The following TCP11 variants were observed in gnomAD, a reference collection of about 807,000 sequenced individuals.
TCP11 encodes T-complex protein 11 homolog.
Under a neutral mutation model 45.0 loss-of-function variants are expected in TCP11, and 34 were observed. That is an observed-to-expected ratio of 0.76 (90% CI 0.57 to 1.01). The LOEUF is 1.01. TCP11 is among the 50% of genes least tolerant of loss of function. The pLI is 0.00. For synonymous variants in TCP11, 227 were observed against 227.0 expected (o/e 1.00, Z 0.00); for missense variants, 523 against 598.1 (o/e 0.87, Z 1.31).
chr6:35,130,797 A>C (rs1193937886), intron 3 of TCP11, among the ~76,000 whole-genome samples: 2 of 152,236 alleles, frequency 1.3e-5, no homozygotes, highest in Non-Finnish European at 2.9e-5. Flanking sequence ...TTTGGAAGGC[A>C]GCTGGGCAGT....
chr6:35,141,159 G>T (rs868310109), intron 1 of TCP11, 46 bp downstream of exon 1: 6 of 1,322,596 alleles, frequency 4.5e-6, no homozygotes, highest in Middle Eastern at 2.9e-4. Context: ...TGCCCCCCTC[G>T]CCCGAAACGC....
rs749141775 is a variant in TCP11, at chr6:35,129,110, A to G, written c.309T>C (p.Thr103=). The G allele has an allele frequency of 3.7e-6, 6 of 1,614,078 alleles. No individual in the cohort carries two copies. The highest frequency in any genetic ancestry group is 1.6e-4 in the Middle Eastern group (1 of 6,062). Residue 103 remains threonine, a synonymous_variant, in exon 4 of 10, where the codon ACT becomes ACC. Coordinates refer to ENST00000311875, the MANE Select transcript of TCP11 (RefSeq NM_001370687.1). ...CAAGAGCACAGCTGAAGTCAGGGGG[A>G]GTTGCTGATAGTTGCTCTTTAAGAT... The part of the protein sequence containing the change: ...WDHLKEQLSA[T]PPDFSCALEL...
chr6:35,140,909 G>C lies in TCP11; in HGVS notation c.-14-25C>G, dbSNP rs998352811. The stretch of plus-strand genomic sequence containing the variant: ...TCTGGGTGAGGGAGAAAGGCGTGTT[G>C]TTGGCGTCGGGGAAGGGGCCTCCCC... On this transcript the variant is annotated intron_variant, in intron 1 of 9. Transcript: ENST00000311875. The C allele has an allele frequency of 3.3e-6, 5 of 1,531,392 alleles. No individual in the cohort carries two copies. In the African/African-American group the frequency reaches 7.0e-5, roughly 22 times the overall value. The allele number at this position is 1,531,392 out of a possible 1,614,324, so 94.9% of individuals were successfully genotyped here. A position where few individuals can be genotyped will look rare whatever the true frequency, so the allele number is the denominator to read the frequency against.
chr6:35,128,523 A>T (rs1217529498), intron 4 of TCP11: 1 of 152,416 alleles, frequency 6.6e-6, no homozygotes, highest in Non-Finnish European at 1.5e-5. Flanking sequence ...CAAGGGGAGA[A>T]GATTATACAA....
chr6:35,119,104 A>G lies in TCP11; in HGVS notation c.1279+124T>C. On this transcript the variant is annotated intron_variant, in intron 9 of 9. Transcript: ENST00000311875. ...GATATGATTTCAACCCAGCATTTTGAAAAAAATCAAGGCTAAACAATGACG... is the reference window on the plus strand; with the variant it reads ...GATATGATTTCAACCCAGCATTTTGGAAAAAATCAAGGCTAAACAATGACG... The G allele has an allele frequency of 4.6e-6, 6 of 1,299,218 alleles. No homozygotes were observed. In the South Asian group the frequency reaches 8.7e-5, roughly 19 times the overall value. 80.5% of individuals were successfully genotyped at this position (1,299,218 alleles called of 1,614,324 possible).
intron 4 of TCP11, among the ~76,000 whole-genome samples, chr6:35,122,920 TAAAC>T (rs2127647901): frequency 6.6e-6 from 1 of 152,314 alleles, no homozygotes; most frequent in South Asian, 2.1e-4. Context: ...ACCTTCATGT[TAAAC>T]AAATAAAATC....
In TCP11 at chr6:35,120,382, T is replaced by C. The variant is rs1779100508; in HGVS notation, c.934-42A>G. The C allele has an allele frequency of 1.9e-6, 3 of 1,597,844 alleles. No individual in the cohort carries two copies. Among genetic ancestry groups the C allele is most frequent in the East Asian group, 2.2e-5 (1 of 44,666 alleles). ...AACAGGCTGTCAGGGGAAGTCCCGATGGAAGCCCTGAACACAAAACAAGGC... is the reference window on the plus strand; with the variant it reads ...AACAGGCTGTCAGGGGAAGTCCCGACGGAAGCCCTGAACACAAAACAAGGC... On this transcript the variant is annotated intron_variant, in intron 7 of 9. Transcript: ENST00000311875. This position sits in a 1 kb window ranked among gnomAD's most constrained non-coding sequence, Gnocchi z 4.9.
At chr6:35,122,464 A>C in intron 4 of TCP11, 127 bp from the exon 5 acceptor site, 1 of 777,106 alleles carries the variant, frequency 1.3e-6, no homozygotes, top group African/African-American at 1.8e-5. Context: ...GGGTCCCTAA[A>C]TTTCCCATGG....
chr6:35,123,451 T>TAA (rs34229256), intron 4 of TCP11, among the ~76,000 whole-genome samples: 22 of 151,044 alleles, frequency 1.5e-4, no homozygotes, highest in Non-Finnish European at 2.7e-4. Context: ...CACCCACCAT[T>TAA]AAAAAAAAGG....
chr6:35,121,832 A>C (rs1779292276), intron 5 of TCP11, among the ~76,000 whole-genome samples: 2 of 150,576 alleles, frequency 1.3e-5, no homozygotes, highest in Admixed American at 1.3e-4. Flanking sequence ...AAAAAAAAAA[A>C]CCTGGGAAAG....
At chr6:35,140,622 G>T in intron 2 of TCP11, 125 bp downstream of exon 2, 1 of 703,674 alleles carries the variant, frequency 1.4e-6, no homozygotes. Flanking sequence ...GGGTGGGGGA[G>T]AAACGGAGAA....
At chr6:35,119,609 G>A (rs943509813) in intron 8 of TCP11, among the ~76,000 whole-genome samples, 2 of 152,216 alleles carry the variant, frequency 1.3e-5, no homozygotes, top group Non-Finnish European at 2.9e-5. Context: ...TCTATATGTG[G>A]CACTGTGTTC....
At chr6:35,140,626 C>T (rs768748149) in intron 2 of TCP11, 121 bp downstream of exon 2, 10 of 705,632 alleles carry the variant, frequency 1.4e-5, no homozygotes, top group African/African-American at 3.5e-5. Context: ...GGGGGAGAAA[C>T]GGAGAAAGAC....
At position 35,139,175 on chromosome 6, in the gene TCP11, C is replaced by T. The variant is rs562579326; in HGVS notation, c.124+1572G>A. Among the ~76,000 whole-genome samples the T allele has an allele frequency of 9.3e-5, 14 of 151,086 alleles. No individual in the cohort carries two copies. The South Asian group carries it at 2.9e-3, about 32-fold the overall frequency. On this transcript the variant is annotated intron_variant, in intron 2 of 9. Coordinates refer to ENST00000311875, the MANE Select transcript of TCP11 (RefSeq NM_001370687.1). ...TGCACTCTAGCCTGGGTGACAGAGA[C>T]TCCGTCTCAAAAAACAGCTAGTTTA...
intron 5 of TCP11, among the ~76,000 whole-genome samples, chr6:35,121,361 G>A (rs1405058867): frequency 2.6e-5 from 4 of 150,992 alleles, no homozygotes; most frequent in Non-Finnish European, 5.9e-5. Flanking sequence ...TCAGGAAGTA[G>A]GATTATAGGT....
chr6:35,133,786 A>C (rs1780730179), intron 3 of TCP11, among the ~76,000 whole-genome samples: 1 of 151,840 alleles, frequency 6.6e-6, no homozygotes, highest in Non-Finnish European at 1.5e-5. Flanking sequence ...GCGAGATTTC[A>C]TCTCAGAAAA....
rs756008472 is a variant in TCP11 at position 35,120,221 on chromosome 6, T to G, written c.1053A>C (p.Ser351=). 2.5e-6 allele frequency: 4 copies of G among 1,614,054 alleles called. No individual in the cohort carries two copies. In the African/African-American group the frequency reaches 5.3e-5, roughly 22 times the overall value. The change falls in exon 8 of 10, where the codon TCA becomes TCC. Residue 351 remains serine (S), a synonymous_variant. Transcript: ENST00000311875. The surrounding 1 kb of genome is among the most constrained non-coding windows in gnomAD (Gnocchi z 4.9). ...GTTTCAGTTTATCTACAAATTGGGGTGAGCCAAACAAAACACTGCCGGAGA... is the reference window on the plus strand; with the variant it reads ...GTTTCAGTTTATCTACAAATTGGGGGGAGCCAAACAAAACACTGCCGGAGA... ...SSFSGSVLFG[S]PQFVDKLKRI...
chr6:35,138,595 GTGGGGGGT>G (rs1401501342), intron 2 of TCP11, among the ~76,000 whole-genome samples: 5 of 151,630 alleles, frequency 3.3e-5, no homozygotes, highest in Non-Finnish European at 7.4e-5. Context: ...GGGTAGTTGG[GTGGGGGGT>G]TGGGGGGTTG....
intron 3 of TCP11, among the ~76,000 whole-genome samples, chr6:35,134,289 T>G (rs1002616657): frequency 1.2e-4 from 17 of 140,216 alleles, no homozygotes; most frequent in Admixed American, 2.8e-4. Flanking sequence ...TTTTTTTTTT[T>G]TTTTTGGTTT....
Sources: allele counts gnomAD v4.1 joint callset (sites outside exome capture counted in the v4.1 genomes callset), GRCh38; gene constraint gnomAD v4.1.1; non-coding constraint Gnocchi (gnomAD v3.1); transcripts MANE v1.5; gene names NCBI Gene and HGNC (gene_info 2026-07-23, HGNC 2026-07-21).